Variants in ZNF736 observed in about 807,000 individuals in gnomAD.
ZNF736 encodes the protein KRAB-containing zinc-finger repressor protein.
Under a neutral mutation model 11.7 loss-of-function variants are expected in ZNF736, and 6 were observed. The observed-to-expected ratio is 0.51, with a 90% CI of 0.28 to 1.01. The LOEUF (loss-of-function observed/expected upper bound fraction) is 1.01, where lower values mean the gene tolerates loss of function less well. Among genes scored for constraint, ZNF736 ranks in the 50% least tolerant of loss-of-function variants. The probability of loss-of-function intolerance (pLI) is 0.09; values close to 1 mark genes in which losing one functional copy is unlikely to be tolerated. For missense variants in ZNF736, 444 were observed against 496.0 expected, an observed-to-expected ratio of 0.90 and a Z score of 1.00; for synonymous variants, 139 against 164.7, an observed-to-expected ratio of 0.84 and a Z score of 1.19.
intron 1 of ZNF736, among the ~76,000 whole-genome samples, chr7:64,319,489 C>CTTTTTTTT (rs1220637935): frequency 3.6e-5 from 2 of 55,728 alleles, no homozygotes; most frequent in Admixed American, 2.2e-4. Context: ...CATTTCTTCC[C>CTTTTTTTT]TTTTTTTTTT....
At chr7:64,337,756 G>GTTTTTTTTTTTTTTTTT (rs569147961) in intron 3 of ZNF736, among the ~76,000 whole-genome samples, 1 of 112,476 alleles carries the variant, frequency 8.9e-6, no homozygotes, top group African/African-American at 4.5e-5. Flanking sequence ...GTTTTTTTTG[G>GTTTTTTTTTTTTTTTTT]TTTTTTTTTT....
intron 1 of ZNF736, among the ~76,000 whole-genome samples, chr7:64,335,408 AC>A: frequency 6.6e-6 from 1 of 152,024 alleles, no homozygotes; most frequent in East Asian, 1.9e-4. Context: ...CAGATTGTTG[AC>A]CCTTTTTTGT....
chr7:64,332,817 A>T (rs1428320022), intron 1 of ZNF736, among the ~76,000 whole-genome samples: 1 of 152,168 alleles, frequency 6.6e-6, no homozygotes, highest in Non-Finnish European at 1.5e-5. Context: ...TCCTACTTGC[A>T]TGCCTGTTTA....
At chr7:64,345,079 A>C (rs1486781162) in intron 3 of ZNF736, among the ~76,000 whole-genome samples, 1 of 150,986 alleles carries the variant, frequency 6.6e-6, no homozygotes, top group Non-Finnish European at 1.5e-5. Flanking sequence ...GCTGGAGTGC[A>C]GTGGCGCGAT....
At chr7:64,324,964 T>G (rs1284789970) in intron 1 of ZNF736, among the ~76,000 whole-genome samples, 3 of 152,280 alleles carry the variant, frequency 2.0e-5, no homozygotes, top group African/African-American at 7.2e-5. Flanking sequence ...TTTGTTTTTC[T>G]GTTTATGGAT....
At chr7:64,345,520 G>A (rs1789397868) in intron 3 of ZNF736, among the ~76,000 whole-genome samples, 1 of 151,310 alleles carries the variant, frequency 6.6e-6, no homozygotes, top group South Asian at 2.1e-4. Flanking sequence ...CATAAGGTAA[G>A]GAGATCGAGA....
rs1789524927 is a variant in ZNF736, at chr7:64,354,120, C to T, written c.*4973C>T. 1 of 152,106 alleles carries T rather than the reference C, an allele frequency of 6.6e-6. No homozygotes were observed. The highest frequency in any genetic ancestry group is 1.5e-5 in the Non-Finnish European group (1 of 68,004). 9.4% of individuals were successfully genotyped at this position (152,106 alleles called of 1,614,324 possible). A position where few individuals can be genotyped will look rare whatever the true frequency, so the allele number is the denominator to read the frequency against. On this transcript the variant is annotated 3_prime_UTR_variant, in exon 4 of 4. Transcript: ENST00000423484. Reference sequence around the variant, plus strand: ...TTACATTTTTGTTTACTTGTAACTACAGATTATTATGATGGTTGTAATGAA... The same window carrying T: ...TTACATTTTTGTTTACTTGTAACTATAGATTATTATGATGGTTGTAATGAA...
chr7:64,343,679 T>A (rs1269798075), intron 3 of ZNF736, among the ~76,000 whole-genome samples: 25 of 152,248 alleles, frequency 1.6e-4, no homozygotes, highest in Non-Finnish European at 1.5e-5. Flanking sequence ...GTTGATTCAA[T>A]ATTTTTTGGT....
intron 3 of ZNF736, among the ~76,000 whole-genome samples, chr7:64,342,044 T>C (rs1478391607): frequency 1.3e-5 from 2 of 152,204 alleles, no homozygotes; most frequent in Non-Finnish European, 2.9e-5. Context: ...TTGAATTCTT[T>C]AAGTCTTCTA....
intron 1 of ZNF736, among the ~76,000 whole-genome samples, chr7:64,315,035 A>C (rs1035743962): frequency 3.9e-5 from 6 of 152,188 alleles, no homozygotes; most frequent in African/African-American, 1.4e-4. Flanking sequence ...TGTCCTCTCA[A>C]TAGTGAGTGA....
chr7:64,314,005 G>C lies in ZNF736; in HGVS notation c.-146G>C. ...GGGGCCTTTGTCTCCTAGCTTCCGGGCTCTGATCCTAGTTCGCGTCTCCAC... is the reference window on the plus strand; with the variant it reads ...GGGGCCTTTGTCTCCTAGCTTCCGGCCTCTGATCCTAGTTCGCGTCTCCAC... On this transcript the variant is annotated 5_prime_UTR_variant, in exon 1 of 4. Coordinates refer to ENST00000423484, the MANE Select transcript of ZNF736 (RefSeq NM_001170905.3). 1 of 1,120,156 alleles carries C rather than the reference G, an allele frequency of 8.9e-7. No individual in the cohort carries two copies. Among genetic ancestry groups the C allele is most frequent in the East Asian group, 2.6e-5 (1 of 38,694 alleles). 69.4% of individuals were successfully genotyped at this position (1,120,156 alleles called of 1,614,324 possible).
chr7:64,323,752 C>G (rs1038682337), intron 1 of ZNF736, among the ~76,000 whole-genome samples: 6 of 152,106 alleles, frequency 3.9e-5, no homozygotes, highest in African/African-American at 1.4e-4. Flanking sequence ...GCGGGGAAAG[C>G]ATCAGGAAGA....
In ZNF736 at chr7:64,319,488, C is replaced by CTTTTTTTTTTTTTTTTTTTT. The variant is rs1408764142; in HGVS notation, c.3+5335_3+5336insTTTTTTTTTTTTTTTTTTTT. ...CCAGGTAAATAGAAAACATTTCTTC[C>CTTTTTTTTTTTTTTTTTTTT]CTTTTTTTTTTTTTTTTTTTTTTTT... On this transcript the variant is annotated intron_variant, in intron 1 of 3. Coordinates refer to ENST00000423484, the MANE Select transcript of ZNF736 (RefSeq NM_001170905.3). Among the ~76,000 whole-genome samples, 7 of 75,248 alleles carry CTTTTTTTTTTTTTTTTTTTT rather than the reference C, an allele frequency of 9.3e-5. 3 individuals are homozygous for CTTTTTTTTTTTTTTTTTTTT. The highest frequency in any genetic ancestry group is 1.2e-4 in the Non-Finnish European group (5 of 41,256). 49.4% of individuals were successfully genotyped at this position (75,248 alleles called of 152,430 possible).
At chr7:64,347,217 CTTTTTTTTTTTT>C (rs35033527) in intron 3 of ZNF736, among the ~76,000 whole-genome samples, 124 of 55,884 alleles carry the variant, frequency 2.2e-3, no homozygotes, top group Admixed American at 4.4e-3. Context: ...AAATGTTCGC[CTTTTTTTTTTTT>C]TTTTTTTTTT....
chr7:64,316,249 G>A (rs11762264), intron 1 of ZNF736, among the ~76,000 whole-genome samples: 49,198 of 150,214 alleles, frequency 0.33, 8,001 homozygotes, highest in African/African-American at 0.48. Context: ...CGTGCTGAGA[G>A]CAGTTTCCTG....
At chr7:64,314,444 G>A (rs1788883155) in intron 1 of ZNF736, among the ~76,000 whole-genome samples, 1 of 152,178 alleles carries the variant, frequency 6.6e-6, no homozygotes, top group African/African-American at 2.4e-5. Context: ...CAGATTGTGT[G>A]GGGGTGTTGG....
rs763427649 is a variant in ZNF736 at position 64,348,670 on chromosome 7, C to T, written c.807C>T (p.Phe269=). 6.2e-7 allele frequency: 1 copy of T among 1,607,798 alleles called. No homozygotes were observed. Among genetic ancestry groups the T allele is most frequent in the South Asian group, 1.1e-5 (1 of 90,398 alleles). ...AATGTGGCAAAGCCTTTAAGTGCTTCTCAGACCTTACTAATCATAAGAGAA... is the reference window on the plus strand; with the variant it reads ...AATGTGGCAAAGCCTTTAAGTGCTTTTCAGACCTTACTAATCATAAGAGAA... ...CEECGKAFKC[F]SDLTNHKRIH... Residue 269 remains phenylalanine (F), a synonymous_variant, in exon 4 of 4, where the codon TTC becomes TTT. Coordinates refer to ENST00000423484, the MANE Select transcript of ZNF736 (RefSeq NM_001170905.3).
chr7:64,333,613 CCT>C (rs1161935814), intron 1 of ZNF736, among the ~76,000 whole-genome samples: 4 of 151,586 alleles, frequency 2.6e-5, no homozygotes, highest in Non-Finnish European at 5.9e-5. Flanking sequence ...GAAGAGACTT[CCT>C]CTCTAGGATG....
At position 64,323,452 on chromosome 7, in the gene ZNF736, AT is replaced by A. The variant is rs1177245912; in HGVS notation, c.3+9300del. 2.0e-5 allele frequency among the ~76,000 whole-genome samples: 3 copies of A among 147,218 alleles called. 1 individual carries two copies. Among genetic ancestry groups the A allele is most frequent in the Middle Eastern group, 6.5e-3 (2 of 306 alleles). On this transcript the variant is annotated intron_variant, in intron 1 of 3. Coordinates refer to ENST00000423484, the MANE Select transcript of ZNF736 (RefSeq NM_001170905.3). ...GTTTTTAAAAGTAAAACAAAAAAAA[AT>A]ACTATTCACAATAGCAAAGACATGG...
Sources: gnomAD v4.1 joint callset for allele counts (sites outside exome capture counted in the v4.1 genomes callset) on GRCh38, gnomAD v4.1.1 for gene constraint, MANE v1.5 for transcripts, NCBI Gene and HGNC (gene_info 2026-07-23, HGNC 2026-07-21) for gene names.